Variants in PRAM1 observed in about 807,000 individuals in gnomAD.
PRAM1 encodes PML-RARA regulated adaptor molecule 1, also known as PML-RARA-regulated adapter molecule 1.
In PRAM1, 41 loss-of-function variants were observed where a neutral mutation model predicts 55.3. The ratio of observed to expected loss-of-function variants is 0.74; its 90% CI spans 0.58 to 0.96. PRAM1 has a LOEUF of 0.96. PRAM1 is among the 40% of genes least tolerant of loss of function. PRAM1 has a pLI of 0.00. For missense variants in PRAM1, 898 were observed against 892.7 expected (o/e 1.01, Z -0.08); for synonymous variants, 401 against 387.1 (o/e 1.04, Z -0.42).
intron 1 of PRAM1, among the ~76,000 whole-genome samples, chr19:8,501,366 G>C (rs1971804253): frequency 6.6e-6 from 1 of 151,836 alleles, no homozygotes; most frequent in African/African-American, 2.4e-5. Context: ...AAGTGCATGA[G>C]CCATCACGCC....
intron 1 of PRAM1, among the ~76,000 whole-genome samples, chr19:8,500,915 G>A (rs1204421087): frequency 6.6e-6 from 1 of 151,892 alleles, no homozygotes; most frequent in Non-Finnish European, 1.5e-5. Flanking sequence ...ACAGGCACTC[G>A]CCACCACACC....
chr19:8,493,268 T>C lies in PRAM1; in HGVS notation c.1577-2111A>G, dbSNP rs184941002. Among the ~76,000 whole-genome samples the C allele has an allele frequency of 1.2e-4, 18 of 152,302 alleles. 1 individual carries two copies. The highest frequency in any genetic ancestry group is 9.2e-4 in the Admixed American group (14 of 15,296). On this transcript the variant is annotated intron_variant, in intron 4 of 9. Coordinates refer to ENST00000423345, the MANE Select transcript of PRAM1 (RefSeq NM_032152.5). The surrounding 1 kb of genome is among the most constrained non-coding windows in gnomAD (Gnocchi z 4.1). ...ATGGCTCAAAGTATCCCGCCGGACATTTCAGGCCTGTAGTCCCTCCAAGCA... is the reference window on the plus strand; with the variant it reads ...ATGGCTCAAAGTATCCCGCCGGACACTTCAGGCCTGTAGTCCCTCCAAGCA...
chr19:8,502,464 G>GGCGCC, intron 1 of PRAM1, 101 bp downstream of exon 1: 2 of 216,460 alleles, frequency 9.2e-6, no homozygotes, highest in Non-Finnish European at 1.7e-5. Context: ...GCCACCCCCC[G>GGCGCC]CCCCCCCGCC....
Position 8,493,824 on chromosome 19 carries a change from G to T in PRAM1, c.1577-2667C>A, listed in dbSNP as rs1175242673. Among the ~76,000 whole-genome samples, 2 of 151,934 alleles carry T rather than the reference G, an allele frequency of 1.3e-5. No individual in the cohort carries two copies. The highest frequency in any genetic ancestry group is 4.2e-4 in the South Asian group (2 of 4,818). On this transcript the variant is annotated intron_variant, in intron 4 of 9. Coordinates refer to ENST00000423345, the MANE Select transcript of PRAM1 (RefSeq NM_032152.5). The surrounding 1 kb of genome is among the most constrained non-coding windows in gnomAD (Gnocchi z 4.1). ...TTTTTTCTTTTTTTCTTGAGACAGG[G>T]TCTCGTTCTGTTGCCCAGGCTGGAG...
chr19:8,502,307 T>TC (rs982966954), intron 1 of PRAM1, among the ~76,000 whole-genome samples: 1 of 151,920 alleles, frequency 6.6e-6, no homozygotes, highest in African/African-American at 2.4e-5. Context: ...ACGGGAGTTG[T>TC]CCCCCCGGGG....
chr19:8,490,616 C>A lies in PRAM1; in HGVS notation c.1884G>T (p.Leu628=). 6.3e-7 allele frequency: 1 copy of A among 1,584,788 alleles called. No individual in the cohort carries two copies. Among genetic ancestry groups the A allele is most frequent in the East Asian group, 2.3e-5 (1 of 43,150 alleles). Reference sequence around the variant, plus strand: ...CACATTTGCCTTTGGGGTCCCGGCACAGCATCTCCTCATTGCTGGTGAACT... The same window carrying A: ...CACATTTGCCTTTGGGGTCCCGGCAAAGCATCTCCTCATTGCTGGTGAACT... ...VIEFTSNEEM[L]CRDPKGKYGY... The change falls in exon 7 of 10, where the codon CTG becomes CTT. Residue 628 remains leucine (L), a synonymous_variant. Transcript: ENST00000423345. The surrounding 1 kb of genome is among the most constrained non-coding windows in gnomAD (Gnocchi z 7.3).
chr19:8,502,497 A>G, intron 1 of PRAM1, 68 bp downstream of exon 1: 1 of 689,084 alleles, frequency 1.5e-6, no homozygotes, highest in South Asian at 1.5e-5. Flanking sequence ...GGTGGATCCT[A>G]TCCTTCTGGG....
rs1254956246 is a variant in PRAM1, at chr19:8,499,557, G to A, written c.251C>T (p.Pro84Leu). The change falls in exon 2 of 10, where the codon CCG (proline) becomes CTG (leucine). Residue 84 changes from proline (P) to leucine (L), a missense_variant. Physicochemically the swap from Pro to Leu is moderately conservative, Grantham distance 98. Around this residue, in one of 4 missense-constraint regions of PRAM1, gnomAD observed 2 missense variants for 19.3 expected, o/e 0.10. Transcript: ENST00000423345. ...GGGGAGGTCAGTGACCTCAGGCGGC[G>A]GGGGCTTCTTGGGGAGGTCAGTGAC... is the stretch of plus-strand genomic sequence containing the variant. ...PEVTDLPKKP[P>L]PPEVTDLPKK... The A allele has an allele frequency of 5.2e-6, 8 of 1,532,544 alleles. No individual in the cohort carries two copies. The highest frequency in any genetic ancestry group is 2.4e-5 in the South Asian group (2 of 84,884). 94.9% of individuals were successfully genotyped at this position (1,532,544 alleles called of 1,614,324 possible).
intron 4 of PRAM1, 63 bp from the exon 5 acceptor site, chr19:8,491,220 C>A (rs1218343944): frequency 6.6e-7 from 1 of 1,509,904 alleles, no homozygotes; most frequent in African/African-American, 1.4e-5. Flanking sequence ...ACCCTGGTAG[C>A]TGTTTTTTGT....
Position 8,499,079 on chromosome 19 carries a change from C to A in PRAM1, c.729G>T (p.Gln243His). Reference sequence around the variant, plus strand: ...TCTGAGCGGCCTCGCTGAACTCAGGCTGCGGCACGGACTTCTTAGGGAGGC... The same window carrying A: ...TCTGAGCGGCCTCGCTGAACTCAGGATGCGGCACGGACTTCTTAGGGAGGC... ...VGGLPKKSVP[Q>H]PEFSEAAQTP... is the part of the protein sequence containing the mutation. The change falls in exon 2 of 10, where the codon CAG (glutamine) becomes CAT (histidine). Residue 243 changes from glutamine (Q) to histidine (H), a missense_variant. This residue lies in a region of PRAM1 where 787 missense variants were observed against 735.4 expected (regional missense o/e 1.07). Transcript: ENST00000423345. The A allele has an allele frequency of 6.2e-7, 1 of 1,613,672 alleles. No homozygotes were observed.
chr19:8,498,337 C>A, intron 2 of PRAM1, 39 bp downstream of exon 2: 1 of 1,593,264 alleles, frequency 6.3e-7, no homozygotes, highest in East Asian at 2.3e-5. Context: ...CCTGGGACCT[C>A]AGCCCCCGCT....
intron 1 of PRAM1, 111 bp downstream of exon 1, chr19:8,502,454 G>GCCCCCCCCCCCCCCC: frequency 1.7e-6 from 1 of 590,952 alleles, no homozygotes; most frequent in Non-Finnish European, 2.9e-6. Flanking sequence ...GTCTTTCGCA[G>GCCCCCCCCCCCCCCC]CCACCCCCCG....
chr19:8,498,087 C>T, intron 3 of PRAM1, 136 bp downstream of exon 3: 1 of 954,872 alleles, frequency 1.0e-6, no homozygotes, highest in Non-Finnish European at 1.6e-6. Flanking sequence ...ACCACGTTGG[C>T]CAGGCTGTTG....
chr19:8,499,871 A>G (rs1216133150), intron 1 of PRAM1, 91 bp from the exon 2 acceptor site: 1 of 1,122,520 alleles, frequency 8.9e-7, no homozygotes, highest in African/African-American at 1.6e-5. Flanking sequence ...ACAGCCCACA[A>G]CCACCACCCC....
chr19:8,490,793 C>T lies in PRAM1; in HGVS notation c.1744-37G>A. ...GATGTTAGGGCCTCTGCTTGTGCTG[C>T]CGCCCTTGGGCCCCTGTCTTCTTTC... On this transcript the variant is annotated intron_variant, in intron 6 of 9. Transcript: ENST00000423345. The surrounding 1 kb of genome is among the most constrained non-coding windows in gnomAD (Gnocchi z 7.3). The T allele has an allele frequency of 6.2e-7, 1 of 1,606,462 alleles. No homozygotes were observed. Among genetic ancestry groups the T allele is most frequent in the Non-Finnish European group, 8.5e-7 (1 of 1,178,780 alleles).
rs376543928 is a variant in PRAM1 at position 8,490,871 on chromosome 19, A to G, written c.1743+16T>C. On this transcript the variant is annotated intron_variant, in intron 6 of 9. Transcript: ENST00000423345. The surrounding 1 kb of genome is among the most constrained non-coding windows in gnomAD (Gnocchi z 7.3). ...CTCCGCCCTGCCAGGACTCCTGCTTAGCTCAGAGGCCTCACCTTGAACTTC... is the reference window on the plus strand; with the variant it reads ...CTCCGCCCTGCCAGGACTCCTGCTTGGCTCAGAGGCCTCACCTTGAACTTC... 2.0e-5 allele frequency: 33 copies of G among 1,612,198 alleles called. No homozygotes were observed. The highest frequency in any genetic ancestry group is 2.8e-5 in the Non-Finnish European group (33 of 1,179,624).
intron 3 of PRAM1, 76 bp downstream of exon 3, chr19:8,498,147 T>C (rs1971726687): frequency 1.3e-6 from 2 of 1,491,722 alleles, no homozygotes; most frequent in Admixed American, 1.9e-5. Flanking sequence ...CCCGAAGTTC[T>C]GGGAGCTCCA....
chr19:8,496,581 TG>T lies in PRAM1; in HGVS notation c.1576+1182del, dbSNP rs1229229815. On this transcript the variant is annotated intron_variant, in intron 4 of 9. Transcript: ENST00000423345. ...ATCTACTAAAAATACAAAAAGTAGC[TG>T]GGCTTGGTGGCACGTGCCTGTAATC... is the stretch of plus-strand genomic sequence containing the variant. Among the ~76,000 whole-genome samples, 3 of 151,570 alleles carry T rather than the reference TG, an allele frequency of 2.0e-5. No individual in the cohort carries two copies. In the East Asian group the frequency reaches 5.8e-4, roughly 29 times the overall value.
In PRAM1 at chr19:8,498,308, G is replaced by A. The variant is rs1289207061; in HGVS notation, c.1433-19C>T. 2 of 1,609,368 alleles carry A rather than the reference G, an allele frequency of 1.2e-6. No individual in the cohort carries two copies. ...CGTAGATCTGTGGGGTAGAGAGTAG[G>A]GCAGGGAAGCCGGCACTGCCTGGGA... On this transcript the variant is annotated intron_variant, in intron 2 of 9. Coordinates refer to ENST00000423345, the MANE Select transcript of PRAM1 (RefSeq NM_032152.5).
Sources: gnomAD v4.1 joint callset for allele counts (sites outside exome capture counted in the v4.1 genomes callset) on GRCh38, gnomAD v4.1.1 for gene constraint, gnomAD v4.1.1 regional missense constraint, Gnocchi (gnomAD v3.1) non-coding constraint, MANE v1.5 for transcripts, NCBI Gene and HGNC (gene_info 2026-07-23, HGNC 2026-07-21) for gene names.